OSBPL10: variants seen among roughly 807,000 people sequenced by gnomAD.
OSBPL10 encodes oxysterol-binding protein-related protein 10.
In OSBPL10, 49 loss-of-function variants were observed where a neutral mutation model predicts 81.7. That is an observed-to-expected ratio of 0.60 (90% CI 0.48 to 0.76). OSBPL10 has a LOEUF of 0.76. OSBPL10 is among the 30% of genes least tolerant of loss of function. The pLI, the probability that OSBPL10 is intolerant of heterozygous loss-of-function variation, is 0.00. For missense variants in OSBPL10, 923 were observed against 987.8 expected, an observed-to-expected ratio of 0.93 and a Z score of 0.88; for synonymous variants, 419 against 383.6, an observed-to-expected ratio of 1.09 and a Z score of -1.08.
intron 2 of OSBPL10, among the ~76,000 whole-genome samples, chr3:32,043,668 CTACG>C (rs1293738063): frequency 1.3e-5 from 2 of 152,096 alleles, no homozygotes; most frequent in African/African-American, 4.8e-5. Flanking sequence ...AAGGCCAGCA[CTACG>C]TGTAGCAGGG....
intron 3 of OSBPL10, among the ~76,000 whole-genome samples, chr3:31,873,140 T>A (rs570035264): frequency 6.6e-6 from 1 of 152,260 alleles, no homozygotes; most frequent in East Asian, 1.9e-4. Context: ...CGACTCTATA[T>A]ATTTGTCAAA....
chr3:31,731,492 T>C (rs1575506392), intron 6 of OSBPL10, among the ~76,000 whole-genome samples: 1 of 151,730 alleles, frequency 6.6e-6, no homozygotes, highest in Non-Finnish European at 1.5e-5. Context: ...TTCTTTCTTT[T>C]TTTTTTTTTT....
intron 4 of OSBPL10, among the ~76,000 whole-genome samples, chr3:31,803,377 C>G (rs1414909448): frequency 6.6e-6 from 1 of 152,202 alleles, no homozygotes; most frequent in Non-Finnish European, 1.5e-5. Context: ...AGCACCTTCT[C>G]ACATGCTTCA....
In OSBPL10 at chr3:31,790,252, C is replaced by G. The variant is rs575530560; in HGVS notation, c.729+39788G>C. Among the ~76,000 whole-genome samples the G allele has an allele frequency of 2.6e-5, 4 of 152,220 alleles. No homozygotes were observed. The South Asian group carries it at 8.3e-4, about 32-fold the overall frequency. On this transcript the variant is annotated intron_variant, in intron 4 of 11. Transcript: ENST00000396556. ...GCAAAAATGTTTAAATATGGTAATA[C>G]TCTGTTGGCAGGAGTTCAGGAAAAC...
At chr3:31,664,510 A>G in intron 10 of OSBPL10, 1 of 546,378 alleles carries the variant, frequency 1.8e-6, no homozygotes, top group East Asian at 3.1e-5. Flanking sequence ...AGTAGTTGGC[A>G]TTCTGCTACT....
intron 2 of OSBPL10, among the ~76,000 whole-genome samples, chr3:32,040,145 G>A (rs1189206428): frequency 6.6e-6 from 1 of 152,142 alleles, no homozygotes; most frequent in East Asian, 1.9e-4. Context: ...GGTGGCTCAT[G>A]CCTGTAATCC....
intron 1 of OSBPL10, among the ~76,000 whole-genome samples, chr3:32,049,375 T>C (rs1699651678): frequency 1.3e-5 from 2 of 152,078 alleles, no homozygotes; most frequent in Non-Finnish European, 2.9e-5. Context: ...AGGACATAGA[T>C]TGCAGCACCA....
At chr3:31,913,371 C>G (rs987293876) in intron 1 of OSBPL10, among the ~76,000 whole-genome samples, 25 of 152,018 alleles carry the variant, frequency 1.6e-4, no homozygotes, top group African/African-American at 6.0e-4. Context: ...GCCTCAGCCT[C>G]CCGAGTAGCT....
chr3:31,775,451 G>T (rs1020625547), intron 4 of OSBPL10, among the ~76,000 whole-genome samples: 3 of 151,996 alleles, frequency 2.0e-5, no homozygotes, highest in Admixed American at 6.6e-5. Context: ...AGGAAAAGAA[G>T]GGATGGTTAA....
chr3:31,825,624 A>T (rs1222270101), intron 4 of OSBPL10, among the ~76,000 whole-genome samples: 2 of 152,146 alleles, frequency 1.3e-5, no homozygotes, highest in East Asian at 3.9e-4. Flanking sequence ...GCCCCATAAG[A>T]CTTCTTACTC....
chr3:32,002,878 A>C (rs182712846), intron 2 of OSBPL10, among the ~76,000 whole-genome samples: 1 of 145,664 alleles, frequency 6.9e-6, no homozygotes, highest in East Asian at 1.9e-4. Flanking sequence ...TAACAGTCCA[A>C]GCTAATTTTT....
chr3:31,665,895 T>A (rs1364860509), intron 10 of OSBPL10, among the ~76,000 whole-genome samples: 1 of 151,380 alleles, frequency 6.6e-6, no homozygotes, highest in Non-Finnish European at 1.5e-5. Context: ...GCCCCAAGAG[T>A]AGAGGGCAGA....
At chr3:32,013,995 C>A (rs1406061656) in intron 2 of OSBPL10, among the ~76,000 whole-genome samples, 2 of 152,162 alleles carry the variant, frequency 1.3e-5, no homozygotes, top group African/African-American at 4.8e-5. Flanking sequence ...GATGGATTCA[C>A]AGCCGAATTC....
intron 3 of OSBPL10, among the ~76,000 whole-genome samples, chr3:31,862,066 G>A (rs1701067252): frequency 6.6e-6 from 1 of 152,072 alleles, no homozygotes; most frequent in Non-Finnish European, 1.5e-5. Context: ...TTTGACTTTT[G>A]GTCAAAGCTG....
chr3:31,669,374 A>T (rs951906655), intron 9 of OSBPL10, among the ~76,000 whole-genome samples: 4 of 152,230 alleles, frequency 2.6e-5, no homozygotes, highest in Non-Finnish European at 5.9e-5. Context: ...TTAACCCTAA[A>T]AAGTGTGTAA....
intron 6 of OSBPL10, among the ~76,000 whole-genome samples, chr3:31,705,512 TAGAC>T (rs1231458321): frequency 1.3e-5 from 2 of 151,954 alleles, no homozygotes; most frequent in African/African-American, 4.8e-5. Context: ...AGCACCCACA[TAGAC>T]AGGCACTGCA....
chr3:31,759,767 C>CT (rs1043773425), intron 4 of OSBPL10, among the ~76,000 whole-genome samples: 5 of 150,080 alleles, frequency 3.3e-5, no homozygotes, highest in South Asian at 2.1e-4. Flanking sequence ...TTTTTATTTA[C>CT]TTTTTTTTTT....
At chr3:31,886,397 G>C (rs1695736572) in intron 1 of OSBPL10, among the ~76,000 whole-genome samples, 1 of 152,140 alleles carries the variant, frequency 6.6e-6, no homozygotes, top group Non-Finnish European at 1.5e-5. Flanking sequence ...CCAGGGCCAT[G>C]AAGGCCCCTT....
At chr3:31,936,693 GA>G (rs201860462) in intron 1 of OSBPL10, among the ~76,000 whole-genome samples, 6 of 150,232 alleles carry the variant, frequency 4.0e-5, no homozygotes, top group East Asian at 2.0e-4. Flanking sequence ...ATTTCCTGAA[GA>G]AAAAAAAATT....
Sources: allele counts gnomAD v4.1 joint callset (sites outside exome capture counted in the v4.1 genomes callset), GRCh38; gene constraint gnomAD v4.1.1; transcripts MANE v1.5; gene names NCBI Gene and HGNC (gene_info 2026-07-23, HGNC 2026-07-21).